The following AFF3 variants were observed in gnomAD, a reference collection of about 807,000 sequenced individuals.
AFF3 encodes the protein AF4/FMR2 family member 3.
AFF3 carries 32 observed loss-of-function variants against 129.7 expected under a neutral mutation model. The observed-to-expected ratio is 0.25, with a 90% CI of 0.19 to 0.33. AFF3 has a LOEUF of 0.33. Ranked by LOEUF, AFF3 falls within the 10% of genes least tolerant of loss-of-function variation. The pLI is 1.00. For synonymous variants in AFF3, 644 were observed against 635.4 expected, an observed-to-expected ratio of 1.01 and a Z score of -0.20; for missense variants, 1,373 against 1,592.0, an observed-to-expected ratio of 0.86 and a Z score of 2.34.
At chr2:99,800,185 T>C (rs77817131) in intron 8 of AFF3, among the ~76,000 whole-genome samples, 9,437 of 152,210 alleles carry the variant, frequency 0.062, 355 homozygotes, top group Middle Eastern at 0.14. Flanking sequence ...TGTAAATAAC[T>C]TGAATGTAGA....
chr2:99,547,188 G>A lies in AFF3; in HGVS notation c.*4286C>T. The A allele has an allele frequency of 4.6e-6, 1 of 216,576 alleles. No individual in the cohort carries two copies. Among genetic ancestry groups the A allele is most frequent in the East Asian group, 6.9e-5 (1 of 14,480 alleles). The allele number at this position is 216,576 out of a possible 1,614,324, so 13.4% of individuals were successfully genotyped here. ...GACTTGAACGTATTTTGATTCTCAA[G>A]TTTCCGTGTAAAAATATTCACAGAA... On this transcript the variant is annotated 3_prime_UTR_variant, in exon 25 of 25. Coordinates refer to ENST00000672756, the MANE Select transcript of AFF3 (RefSeq NM_001386135.1).
intron 13 of AFF3, among the ~76,000 whole-genome samples, chr2:99,616,280 T>A (rs1681420879): frequency 2.0e-5 from 3 of 152,172 alleles, no homozygotes; most frequent in Admixed American, 2.0e-4. Flanking sequence ...GGCCTCAAAC[T>A]TCCATCCTCA....
chr2:99,723,165 C>T lies in AFF3; in HGVS notation c.1091+3912G>A, dbSNP rs564550231. ...TTTAATTTGTGCTTTTGTGTGTGCACGCATGTTAAGATTAAATCGCTCCTT... is the reference window on the plus strand; with the variant it reads ...TTTAATTTGTGCTTTTGTGTGTGCATGCATGTTAAGATTAAATCGCTCCTT... On this transcript the variant is annotated intron_variant, in intron 11 of 24. Coordinates refer to ENST00000672756, the MANE Select transcript of AFF3 (RefSeq NM_001386135.1). Among the ~76,000 whole-genome samples, 23 of 152,220 alleles carry T rather than the reference C, an allele frequency of 1.5e-4. 1 individual carries two copies. In the East Asian group the frequency reaches 2.1e-3, roughly 14 times the overall value.
chr2:99,593,165 C>A (rs62154469), intron 15 of AFF3, 30 bp downstream of exon 15: 102 of 1,520,090 alleles, frequency 6.7e-5, no homozygotes, highest in Non-Finnish European at 8.6e-5. Flanking sequence ...CCCCTCCACG[C>A]CCCCGCACCC....
chr2:99,608,842 C>G (rs1287583393), intron 13 of AFF3, among the ~76,000 whole-genome samples: 1 of 152,142 alleles, frequency 6.6e-6, no homozygotes, highest in Non-Finnish European at 1.5e-5. Context: ...TGAAAAGTTT[C>G]ATTGTATTTT....
At chr2:100,106,335 CAAG>C (rs1378512626) in intron 2 of AFF3, 1 of 1,154,622 alleles carries the variant, frequency 8.7e-7, no homozygotes, top group Non-Finnish European at 1.1e-6. Context: ...TAGCAAGTAG[CAAG>C]AAGATTAGGT....
At chr2:99,753,125 G>C (rs1681803616) in intron 8 of AFF3, among the ~76,000 whole-genome samples, 1 of 152,036 alleles carries the variant, frequency 6.6e-6, no homozygotes, top group South Asian at 2.1e-4. Flanking sequence ...TTTTGAGATG[G>C]AGTCTCACTC....
At chr2:99,872,594 AAAAAT>A (rs369133072) in intron 7 of AFF3, among the ~76,000 whole-genome samples, 2,150 of 127,586 alleles carry the variant, frequency 0.017, 21 homozygotes, top group African/African-American at 0.034. Context: ...TGCTTCTTAC[AAAAAT>A]AAAATAAAAT....
chr2:99,828,647 T>C (rs887678149), intron 8 of AFF3, among the ~76,000 whole-genome samples: 10 of 152,204 alleles, frequency 6.6e-5, no homozygotes, highest in Non-Finnish European at 1.3e-4. Flanking sequence ...AGAAACACTG[T>C]AGTGCCCTTA....
chr2:99,910,093 A>C (rs1032582522), intron 7 of AFF3, among the ~76,000 whole-genome samples: 10 of 152,214 alleles, frequency 6.6e-5, no homozygotes, highest in Non-Finnish European at 1.2e-4. Context: ...TTTGAAATAC[A>C]AAATGTACTG....
chr2:99,583,105 A>G, intron 16 of AFF3, 106 bp from the exon 17 acceptor site: 1 of 935,574 alleles, frequency 1.1e-6, no homozygotes, highest in Non-Finnish European at 1.6e-6. Flanking sequence ...TGGTAGGAGA[A>G]GCTTATTGGG....
intron 12 of AFF3, among the ~76,000 whole-genome samples, chr2:99,652,548 G>A (rs17022845): frequency 0.12 from 17,799 of 152,060 alleles, 1,135 homozygotes; most frequent in East Asian, 0.16. Flanking sequence ...CAAAGATAAG[G>A]GGAATTGAGA....
At chr2:99,799,976 G>T (rs1196541206) in intron 8 of AFF3, among the ~76,000 whole-genome samples, 1 of 152,034 alleles carries the variant, frequency 6.6e-6, no homozygotes. Context: ...AAAGTGTTCT[G>T]AACCTAACAT....
At chr2:99,814,472 G>GA (rs1299417993) in intron 8 of AFF3, among the ~76,000 whole-genome samples, 1 of 152,172 alleles carries the variant, frequency 6.6e-6, no homozygotes, top group East Asian at 1.9e-4. Context: ...AGGTCCTGGG[G>GA]AAGATTGAAA....
chr2:99,789,214 T>C (rs1685020538), intron 8 of AFF3, among the ~76,000 whole-genome samples: 1 of 152,092 alleles, frequency 6.6e-6, no homozygotes, highest in Non-Finnish European at 1.5e-5. Flanking sequence ...TTGGGAGGAC[T>C]GCTTGAGGCC....
intron 12 of AFF3, among the ~76,000 whole-genome samples, chr2:99,663,604 T>C (rs1256126004): frequency 3.3e-5 from 5 of 152,246 alleles, no homozygotes; most frequent in Middle Eastern, 6.3e-3. Context: ...TGGGGAAATT[T>C]CCCTCTACAG....
chr2:99,565,458 C>A (rs141923614), intron 20 of AFF3, 29 bp downstream of exon 20: 2 of 1,607,714 alleles, frequency 1.2e-6, no homozygotes, highest in African/African-American at 1.3e-5. Context: ...CACTCCTCCC[C>A]TCATCCAGCA....
intron 9 of AFF3, among the ~76,000 whole-genome samples, chr2:99,746,212 G>A (rs1368341091): frequency 4.0e-5 from 6 of 150,852 alleles, no homozygotes; most frequent in Non-Finnish European, 8.9e-5. Context: ...ATAAAATCCA[G>A]CAAAACTCCT....
chr2:99,870,578 G>C (rs1477458802), intron 7 of AFF3, among the ~76,000 whole-genome samples: 2 of 152,212 alleles, frequency 1.3e-5, no homozygotes, highest in Non-Finnish European at 2.9e-5. Context: ...TAGATAAGGA[G>C]GTAAAACTCA....
Sources: gnomAD v4.1 joint callset for allele counts (sites outside exome capture counted in the v4.1 genomes callset) on GRCh38, gnomAD v4.1.1 for gene constraint, MANE v1.5 for transcripts, NCBI Gene and HGNC (gene_info 2026-07-23, HGNC 2026-07-21) for gene names.